FKBP8: variants seen among roughly 807,000 people sequenced by gnomAD.
FKBP8 encodes FKBP prolyl isomerase 8.
In FKBP8, 5 loss-of-function variants were observed where a neutral mutation model predicts 41.7. The observed-to-expected ratio is 0.12, with a 90% confidence interval of 0.06 to 0.25. The LOEUF is 0.25. FKBP8 is among the 10% of genes least tolerant of loss of function. The pLI is 1.00. For missense variants in FKBP8, 397 were observed against 563.0 expected, an observed-to-expected ratio of 0.71 and a Z score of 2.98; for synonymous variants, 279 against 254.5, an observed-to-expected ratio of 1.10 and a Z score of -0.92.
At chr19:18,539,501 C>T in intron 3 of FKBP8, 42 bp from the exon 4 acceptor site, 1 of 1,611,474 alleles carries the variant, frequency 6.2e-7, no homozygotes. Flanking sequence ...CAGACTCAGA[C>T]CCAGCAAGGC....
chr19:18,539,002 G>C (rs1212545909), intron 4 of FKBP8, among the ~76,000 whole-genome samples: 1 of 151,934 alleles, frequency 6.6e-6, no homozygotes, highest in African/African-American at 2.4e-5. Context: ...TTTTAGTAGA[G>C]ACGGGGTTTC....
At chr19:18,536,855 G>A (rs1346379769) in intron 6 of FKBP8, among the ~76,000 whole-genome samples, 1 of 152,230 alleles carries the variant, frequency 6.6e-6, no homozygotes, top group African/African-American at 2.4e-5. Context: ...GCCCTGAGGT[G>A]GAGAGAGCCT....
intron 1 of FKBP8, 134 bp from the exon 2 acceptor site, chr19:18,542,129 C>T: frequency 7.4e-7 from 1 of 1,342,986 alleles, no homozygotes; most frequent in Non-Finnish European, 9.8e-7. Flanking sequence ...CTCATCTATA[C>T]AGTGGGTGTA....
rs777706608 is a variant in FKBP8, at chr19:18,538,265, G to C, written c.723C>G (p.Ala241=). 6.2e-7 allele frequency: 1 copy of C among 1,613,246 alleles called. No individual in the cohort carries two copies. The highest frequency in any genetic ancestry group is 1.1e-5 in the South Asian group (1 of 91,014). ...AHYQRADFVL[A]ANSYDLAIKA... is the part of the protein sequence containing the mutation. Reference sequence around the variant, plus strand: ...TGATGGCGAGGTCGTAGGAGTTGGCGGCCAGGACGAAGTCCGCCCGCTGGT... The same window carrying C: ...TGATGGCGAGGTCGTAGGAGTTGGCCGCCAGGACGAAGTCCGCCCGCTGGT... Residue 241 remains alanine, a synonymous_variant, in exon 5 of 9, where the codon GCC becomes GCG. Transcript: ENST00000608443. This position sits in a 1 kb window ranked among gnomAD's most constrained non-coding sequence, Gnocchi z 4.0.
rs1396396535 is a variant in FKBP8 at position 18,538,519 on chromosome 19, T to C, written c.552-83A>G. 3 of 1,192,914 alleles carry C rather than the reference T, an allele frequency of 2.5e-6. No individual in the cohort carries two copies. Among genetic ancestry groups the C allele is most frequent in the Non-Finnish European group, 3.5e-6 (3 of 852,524 alleles). 73.9% of individuals were successfully genotyped at this position (1,192,914 alleles called of 1,614,324 possible). A position where few individuals can be genotyped will look rare whatever the true frequency, so the allele number is the denominator to read the frequency against. On this transcript the variant is annotated intron_variant, in intron 4 of 8. Transcript: ENST00000608443. This position sits in a 1 kb window ranked among gnomAD's most constrained non-coding sequence, Gnocchi z 4.0. ...TGGGCTGGCTAGGAAGGAGTGAGCTTGGCTCAAGCCCCCGATCTGTCTCCC... is the reference window on the plus strand; with the variant it reads ...TGGGCTGGCTAGGAAGGAGTGAGCTCGGCTCAAGCCCCCGATCTGTCTCCC...
At chr19:18,535,235 A>G (rs781164638) in intron 6 of FKBP8, among the ~76,000 whole-genome samples, 2 of 151,774 alleles carry the variant, frequency 1.3e-5, no homozygotes, top group Non-Finnish European at 2.9e-5. Flanking sequence ...TTATTTTTTA[A>G]ATTTTTGTAG....
At chr19:18,532,584 ACATC>A in intron 8 of FKBP8, 76 bp downstream of exon 8, 1 of 1,560,542 alleles carries the variant, frequency 6.4e-7, no homozygotes, top group Non-Finnish European at 8.7e-7. Flanking sequence ...GTCTCCGAGG[ACATC>A]CATGTATGCA....
chr19:18,532,386 G>C, intron 8 of FKBP8, 131 bp from the exon 9 acceptor site: 1 of 1,021,896 alleles, frequency 9.8e-7, no homozygotes, highest in East Asian at 2.6e-5. Context: ...CCACTTCCTG[G>C]CAAACTCCTA....
At position 18,538,751 on chromosome 19, in the gene FKBP8, G is replaced by A. The variant is rs561837492; in HGVS notation, c.552-315C>T. ...CAGCCTCAAAAACGTGGGCTCAAGT[G>A]ATCCTCCTGCCTGAGCCTCCTCAGT... On this transcript the variant is annotated intron_variant, in intron 4 of 8. Coordinates refer to ENST00000608443, the MANE Select transcript of FKBP8 (RefSeq NM_012181.5). This position sits in a 1 kb window ranked among gnomAD's most constrained non-coding sequence, Gnocchi z 4.0. 3.3e-5 allele frequency among the ~76,000 whole-genome samples: 5 copies of A among 150,102 alleles called. No individual in the cohort carries two copies. Among genetic ancestry groups the A allele is most frequent in the Non-Finnish European group, 7.4e-5 (5 of 67,684 alleles).
rs778281150 is a variant in FKBP8 at position 18,539,429 on chromosome 19, C to T, written c.493G>A (p.Val165Met). Residue 165 changes from valine (V) to methionine (M), a missense_variant, in exon 4 of 9, where the codon GTG becomes ATG. Physicochemically the swap from Val to Met is conservative, Grantham distance 21. Around this residue, in one of 2 missense-constraint regions of FKBP8, gnomAD observed 225 missense variants for 366.8 expected, o/e 0.61. Coordinates refer to ENST00000608443, the MANE Select transcript of FKBP8 (RefSeq NM_012181.5). ...GCAGTGACCATGGCCGTCTCCCCCA[C>T]GTCCATGAGTGGGACACTGAGATCC... ...ALDLSVPLMD[V>M]GETAMVTADS... is the part of the protein sequence containing the mutation. 46 of 1,613,718 alleles carry T rather than the reference C, an allele frequency of 2.9e-5. No homozygotes were observed. Among genetic ancestry groups the T allele is most frequent in the Non-Finnish European group, 3.6e-5 (42 of 1,179,990 alleles).
chr19:18,541,277 G>C (rs1329681517), intron 2 of FKBP8, among the ~76,000 whole-genome samples: 3 of 152,098 alleles, frequency 2.0e-5, no homozygotes, highest in Non-Finnish European at 4.4e-5. Flanking sequence ...CACATTTTTT[G>C]TTTTGGAAGT....
In FKBP8 at chr19:18,538,088, G is replaced by T; in HGVS notation, c.772+128C>A. The T allele has an allele frequency of 9.7e-7, 1 of 1,031,340 alleles. No homozygotes were observed. The highest frequency in any genetic ancestry group is 1.4e-6 in the Non-Finnish European group (1 of 695,496). The allele number at this position is 1,031,340 out of a possible 1,614,324, so 63.9% of individuals were successfully genotyped here. A position where few individuals can be genotyped will look rare whatever the true frequency, so the allele number is the denominator to read the frequency against. ...AACAGGCCCTAGCTTAGGGGCAGTT[G>T]GGGATCTACCCATATTCTGGGCTAT... is the stretch of plus-strand genomic sequence containing the variant. On this transcript the variant is annotated intron_variant, in intron 5 of 8. Transcript: ENST00000608443. The surrounding 1 kb of genome is among the most constrained non-coding windows in gnomAD (Gnocchi z 4.0).
At position 18,538,368 on chromosome 19, in the gene FKBP8, C is replaced by T. The variant is rs1976627086; in HGVS notation, c.620G>A (p.Gly207Glu). The change falls in exon 5 of 9, where the codon GGG (glycine) becomes GAG (glutamate). Residue 207 changes from glycine (G) to glutamate (E), a missense_variant. Around this residue, in one of 2 missense-constraint regions of FKBP8, gnomAD observed 225 missense variants for 366.8 expected, o/e 0.61. Transcript: ENST00000608443. This position sits in a 1 kb window ranked among gnomAD's most constrained non-coding sequence, Gnocchi z 4.0. ...LEVTLKTAVD[G>E]PDLEMLTGQE... Reference sequence around the variant, plus strand: ...CCCCGTGAGCATCTCCAGGTCAGGCCCGTCCACAGCCGTCTTCAGGGTCAC... The same window carrying T: ...CCCCGTGAGCATCTCCAGGTCAGGCTCGTCCACAGCCGTCTTCAGGGTCAC... The T allele has an allele frequency of 1.2e-6, 2 of 1,613,484 alleles. No homozygotes were observed. The highest frequency in any genetic ancestry group is 1.3e-5 in the African/African-American group (1 of 74,930).
Position 18,532,262 on chromosome 19 carries a change from A to T in FKBP8, c.1156-7T>A. The T allele has an allele frequency of 1.3e-6, 2 of 1,599,266 alleles. No individual in the cohort carries two copies. ...GCCACTTCCATGGGATGGACTGTGG[A>T]TAAAAAGGAGGGGAGAGAAGGGTGG... On this transcript the variant is annotated splice_polypyrimidine_tract_variant and splice_region_variant and intron_variant, in intron 8 of 8. Coordinates refer to ENST00000608443, the MANE Select transcript of FKBP8 (RefSeq NM_012181.5).
chr19:18,534,243 C>T (rs1976518468), intron 6 of FKBP8, among the ~76,000 whole-genome samples: 1 of 151,974 alleles, frequency 6.6e-6, no homozygotes, highest in African/African-American at 2.4e-5. Context: ...GGAGGCAGCA[C>T]TTGCAGTGAG....
At chr19:18,532,500 C>T in intron 8 of FKBP8, 164 bp downstream of exon 8, 1 of 1,158,842 alleles carries the variant, frequency 8.6e-7, no homozygotes, top group Non-Finnish European at 1.2e-6. Flanking sequence ...AGCTTGAGTT[C>T]CACCTTCGAC....
chr19:18,532,967 G>A, intron 7 of FKBP8, 172 bp from the exon 8 acceptor site: 1 of 1,109,456 alleles, frequency 9.0e-7, no homozygotes, highest in East Asian at 2.6e-5. Context: ...ATCCCTCCTA[G>A]GGAGCCAATT....
chr19:18,537,275 T>C lies in FKBP8; in HGVS notation c.945+326A>G, dbSNP rs2145188899. 6.6e-6 allele frequency among the ~76,000 whole-genome samples: 1 copy of C among 151,610 alleles called. No individual in the cohort carries two copies. Among genetic ancestry groups the C allele is most frequent in the African/African-American group, 2.4e-5 (1 of 41,312 alleles). On this transcript the variant is annotated intron_variant, in intron 6 of 8. Transcript: ENST00000608443. This position sits in a 1 kb window ranked among gnomAD's most constrained non-coding sequence, Gnocchi z 4.4. The stretch of plus-strand genomic sequence containing the variant: ...ATCGCTTGAACCCAGGAGGAGGAGG[T>C]TGCGGTGGTGAGCTGAGATCACACC...
intron 7 of FKBP8, 97 bp from the exon 8 acceptor site, chr19:18,532,892 C>T: frequency 1.3e-6 from 2 of 1,539,796 alleles, no homozygotes; most frequent in Non-Finnish European, 1.7e-6. Context: ...GGTGGTGGGA[C>T]TGTTGGGACA....
Sources: allele counts gnomAD v4.1 joint callset (sites outside exome capture counted in the v4.1 genomes callset), GRCh38; gene constraint gnomAD v4.1.1; regional missense constraint gnomAD v4.1.1; non-coding constraint Gnocchi (gnomAD v3.1); transcripts MANE v1.5; gene names NCBI Gene and HGNC (gene_info 2026-07-23, HGNC 2026-07-21).